The following DAB1 variants were observed in gnomAD, a reference collection of about 807,000 sequenced individuals.
The protein encoded by DAB1 is DAB adaptor protein 1.
DAB1 carries 15 observed loss-of-function variants against 64.6 expected under a neutral mutation model. The ratio of observed to expected loss-of-function variants is 0.23; its 90% confidence interval spans 0.16 to 0.36. The LOEUF (loss-of-function observed/expected upper bound fraction) is 0.36, where lower values mean the gene tolerates loss of function less well. DAB1 is among the 10% of genes least tolerant of loss of function. The pLI, the probability that DAB1 is intolerant of heterozygous loss-of-function variation, is 1.00. For synonymous variants in DAB1, 235 were observed against 251.9 expected (o/e 0.93, Z 0.64); for missense variants, 596 against 706.7 (o/e 0.84, Z 1.78).
rs562618827 is a variant in DAB1 at position 57,669,793 on chromosome 1, A to G, written n.552-20128T>C. On this transcript the variant is annotated intron_variant and non_coding_transcript_variant, in intron 6 of 20. Coordinates refer to the DAB1 transcript ENST00000485760. ...AAGGCCCTGTCCTACCACATTATTT[A>G]AGCATAACATGACATGGAAATATAT... Among the ~76,000 whole-genome samples the G allele has an allele frequency of 2.2e-4, 33 of 152,300 alleles. No homozygotes were observed. The South Asian group carries it at 5.6e-3, about 26-fold the overall frequency.
intron 7 of DAB1, among the ~76,000 whole-genome samples, chr1:57,560,911 C>T (rs568163567): frequency 1.8e-4 from 27 of 152,246 alleles, no homozygotes; most frequent in African/African-American, 5.8e-4. Flanking sequence ...GGAAACTGAA[C>T]GTTTGACTAC....
At chr1:58,072,170 G>C (rs1352332308) in intron 5 of DAB1, among the ~76,000 whole-genome samples, 1 of 151,922 alleles carries the variant, frequency 6.6e-6, no homozygotes, top group African/African-American at 2.4e-5. Context: ...TCAATGAATG[G>C]TCTTCCTTCT....
intron 2 of DAB1, among the ~76,000 whole-genome samples, chr1:57,192,136 G>A (rs1307194790): frequency 6.6e-6 from 1 of 151,970 alleles, no homozygotes; most frequent in African/African-American, 2.4e-5. Flanking sequence ...TGCCAACATG[G>A]TAAAACTCTG....
At chr1:58,029,317 A>C (rs1055166576) in intron 5 of DAB1, among the ~76,000 whole-genome samples, 2 of 152,212 alleles carry the variant, frequency 1.3e-5, no homozygotes, top group African/African-American at 4.8e-5. Flanking sequence ...ATTTTAGTTA[A>C]AAGATCAAAA....
intron 6 of DAB1, among the ~76,000 whole-genome samples, chr1:57,684,119 T>A (rs1300554409): frequency 6.6e-6 from 1 of 152,122 alleles, no homozygotes; most frequent in African/African-American, 2.4e-5. Context: ...TGTGGCATTA[T>A]GTAAAGAGAC....
Position 58,155,936 on chromosome 1 carries a change from C to T in DAB1, n.310-5348G>A, listed in dbSNP as rs1002736059. On this transcript the variant is annotated intron_variant and non_coding_transcript_variant, in intron 4 of 20. Coordinates refer to the DAB1 transcript ENST00000485760. Reference sequence around the variant, plus strand: ...ACAATGCCTCCCAATAGTGAAATCTCTTCTGTTCATGAATGTGGCATTTTG... The same window carrying T: ...ACAATGCCTCCCAATAGTGAAATCTTTTCTGTTCATGAATGTGGCATTTTG... Among the ~76,000 whole-genome samples the T allele has an allele frequency of 2.0e-5, 3 of 152,190 alleles. No homozygotes were observed. In the South Asian group the frequency reaches 6.2e-4, roughly 31 times the overall value.
intron 1 of DAB1, among the ~76,000 whole-genome samples, chr1:57,386,389 C>T (rs1681853159): frequency 8.3e-6 from 1 of 120,474 alleles, no homozygotes; most frequent in African/African-American, 3.1e-5. Flanking sequence ...AAAAAAAAAC[C>T]CGTCTTTTTC....
In DAB1 at chr1:57,153,027, A is replaced by G. The variant is rs61765332; in HGVS notation, c.68-7598T>C. Among the ~76,000 whole-genome samples, 1,201 of 152,256 alleles carry G rather than the reference A, an allele frequency of 7.9e-3. 17 individuals are homozygous for G. Among genetic ancestry groups the G allele is most frequent in the East Asian group, 0.067 (346 of 5,170 alleles). On this transcript the variant is annotated intron_variant, in intron 2 of 14. Coordinates refer to ENST00000371236, the MANE Select transcript of DAB1 (RefSeq NM_001365792.1). Reference sequence around the variant, plus strand: ...TACTACTGATAATCTATATATTATTATTATCATTACTATTTTGAGGCAGAA... The same window carrying G: ...TACTACTGATAATCTATATATTATTGTTATCATTACTATTTTGAGGCAGAA...
chr1:57,098,677 T>C (rs532755329), intron 4 of DAB1, among the ~76,000 whole-genome samples: 1 of 152,266 alleles, frequency 6.6e-6, no homozygotes, highest in South Asian at 2.1e-4. Flanking sequence ...AATGAAAGAT[T>C]ACAATTTAGG....
chr1:57,060,131 T>TTTTATTTTATTTTAC (rs1196116125), intron 9 of DAB1, among the ~76,000 whole-genome samples: 11 of 111,726 alleles, frequency 9.8e-5, no homozygotes, highest in Admixed American at 2.7e-4. Flanking sequence ...ATATTTTTTA[T>TTTTATTTTATTTTAC]TTTATTTTAT....
At chr1:57,994,064 A>T (rs1646388163) in intron 5 of DAB1, among the ~76,000 whole-genome samples, 1 of 152,200 alleles carries the variant, frequency 6.6e-6, no homozygotes, top group African/African-American at 2.4e-5. Context: ...GCACACTTTA[A>T]TTCCAGGTGT....
rs1395200389 is a variant in DAB1, at chr1:56,995,370, G to A, written c.*2774C>T. 1 of 152,246 alleles carries A rather than the reference G, an allele frequency of 6.6e-6. No individual in the cohort carries two copies. Among genetic ancestry groups the A allele is most frequent in the Non-Finnish European group, 1.5e-5 (1 of 68,058 alleles). 9.4% of individuals were successfully genotyped at this position (152,246 alleles called of 1,614,324 possible). A position where few individuals can be genotyped will look rare whatever the true frequency, so the allele number is the denominator to read the frequency against. On this transcript the variant is annotated 3_prime_UTR_variant, in exon 15 of 15. Transcript: ENST00000371236. ...CACTGTACTCCTGGGACAGGATACG[G>A]TGCTTCCAGGCTCACCAAACAGTGC... is the stretch of plus-strand genomic sequence containing the variant.
intron 3 of DAB1, among the ~76,000 whole-genome samples, chr1:58,491,497 A>G (rs1444212555): frequency 6.6e-6 from 1 of 152,180 alleles, no homozygotes; most frequent in African/African-American, 2.4e-5. Flanking sequence ...AAGACCCATC[A>G]GTGTGCTGTA....
At chr1:57,276,127 G>A (rs889748760) in intron 2 of DAB1, among the ~76,000 whole-genome samples, 2 of 152,238 alleles carry the variant, frequency 1.3e-5, no homozygotes, top group African/African-American at 4.8e-5. Flanking sequence ...AGAAGGATCA[G>A]ACAGGATGTC....
At chr1:57,834,313 C>A (rs549946042) in intron 1 of DAB1, among the ~76,000 whole-genome samples, 1 of 151,948 alleles carries the variant, frequency 6.6e-6, no homozygotes, top group Non-Finnish European at 1.5e-5. Flanking sequence ...CAATTAGTTT[C>A]GTCTTGAAAA....
intron 7 of DAB1, among the ~76,000 whole-genome samples, chr1:57,579,506 T>A (rs1645287850): frequency 6.6e-6 from 1 of 152,178 alleles, no homozygotes; most frequent in South Asian, 2.1e-4. Flanking sequence ...TTTATGTGGA[T>A]CTAATTAACA....
rs549790576 is a variant in DAB1, at chr1:57,228,369, CA to C, written c.67+62594del. Among the ~76,000 whole-genome samples, 20 of 151,332 alleles carry C rather than the reference CA, an allele frequency of 1.3e-4. No homozygotes were observed. The South Asian group carries it at 3.6e-3, about 27-fold the overall frequency. On this transcript the variant is annotated intron_variant, in intron 2 of 14. Transcript: ENST00000371236. ...AAAATATGTGTATATAGAATACACT[CA>C]AAAAAACACATCAGTAAGAAAAAGA... is the stretch of plus-strand genomic sequence containing the variant.
Position 57,084,234 on chromosome 1 carries a change from A to AGAG in DAB1, c.307-11821_307-11820insCTC, listed in dbSNP as rs1557689985. On this transcript the variant is annotated intron_variant, in intron 4 of 14. Transcript: ENST00000371236. The stretch of plus-strand genomic sequence containing the variant: ...CCTTATAAAAGAAGGAAATCTGGGC[A>AGAG]CAGACATGTATATGGAGAGAAGGCC... 1.1e-3 allele frequency among the ~76,000 whole-genome samples: 173 copies of AGAG among 152,346 alleles called. 2 individuals carry two copies. The highest frequency in any genetic ancestry group is 3.8e-3 in the African/African-American group (160 of 41,586).
intron 3 of DAB1, among the ~76,000 whole-genome samples, chr1:58,477,728 A>G (rs1371866177): frequency 6.6e-6 from 1 of 152,192 alleles, no homozygotes; most frequent in Non-Finnish European, 1.5e-5. Context: ...ACTGCAAAGA[A>G]AAAAGAGCCC....
Sources: gnomAD v4.1 joint callset for allele counts (sites outside exome capture counted in the v4.1 genomes callset) on GRCh38, gnomAD v4.1.1 for gene constraint, MANE v1.5 for transcripts, NCBI Gene and HGNC (gene_info 2026-07-23, HGNC 2026-07-21) for gene names.